The following RASSF3 variants were observed in gnomAD, a reference collection of about 807,000 sequenced individuals.
RASSF3 encodes ras association domain-containing protein 3.
A neutral mutation model predicts 19.9 loss-of-function variants in RASSF3; 19 were observed. The ratio of observed to expected loss-of-function variants is 0.96; its 90% CI spans 0.67 to 1.40. The LOEUF is 1.40. RASSF3 is among the 40% of genes most tolerant of loss of function. The pLI is 0.00. For missense variants in RASSF3, 306 were observed against 289.8 expected (o/e 1.06, Z -0.41); for synonymous variants, 110 against 104.2 (o/e 1.06, Z -0.34).
intron 2 of RASSF3, among the ~76,000 whole-genome samples, chr12:64,583,423 A>G (rs1869736697): frequency 6.6e-6 from 1 of 152,136 alleles, no homozygotes. Flanking sequence ...GGAGTTGGAG[A>G]CCAGCCTGGC....
intron 4 of RASSF3, among the ~76,000 whole-genome samples, chr12:64,692,084 AT>A (rs1468081316): frequency 2.6e-5 from 4 of 152,150 alleles, no homozygotes; most frequent in Non-Finnish European, 5.9e-5. Flanking sequence ...TTAAGAAATT[AT>A]GTTTCCATGT....
At chr12:64,645,224 ATATG>A (rs1871687365) in intron 1 of RASSF3, among the ~76,000 whole-genome samples, 1 of 152,240 alleles carries the variant, frequency 6.6e-6, no homozygotes, top group South Asian at 2.1e-4. Flanking sequence ...TAAGTAATGA[ATATG>A]TATTGTATTC....
At chr12:64,676,957 G>A (rs551862065) in intron 1 of RASSF3, among the ~76,000 whole-genome samples, 3 of 151,796 alleles carry the variant, frequency 2.0e-5, no homozygotes, top group Non-Finnish European at 4.4e-5. Flanking sequence ...TAGTAGAGAC[G>A]AGGTCTCCCT....
chr12:64,576,953 A>G (rs1428856822), intron 2 of RASSF3, among the ~76,000 whole-genome samples: 1 of 152,170 alleles, frequency 6.6e-6, no homozygotes, highest in Non-Finnish European at 1.5e-5. Context: ...TATAATAACA[A>G]CTATGGAAAA....
chr12:64,690,952 C>T (rs1025810798), intron 3 of RASSF3, among the ~76,000 whole-genome samples: 2 of 152,176 alleles, frequency 1.3e-5, no homozygotes, highest in East Asian at 3.9e-4. Flanking sequence ...CCTCCACCTC[C>T]CAGGTTTGAG....
intron 1 of RASSF3, among the ~76,000 whole-genome samples, chr12:64,659,198 C>A (rs991537425): frequency 2.0e-5 from 3 of 152,206 alleles, no homozygotes; most frequent in Non-Finnish European, 4.4e-5. Flanking sequence ...CAGCCTTCAT[C>A]TGTTAAATAA....
At chr12:64,664,444 A>G (rs984126322) in intron 1 of RASSF3, among the ~76,000 whole-genome samples, 1 of 152,166 alleles carries the variant, frequency 6.6e-6, no homozygotes, top group African/African-American at 2.4e-5. Flanking sequence ...TTACACCTGC[A>G]TAGGCCACCC....
intron 1 of RASSF3, among the ~76,000 whole-genome samples, chr12:64,514,188 CTTTTTTTTTTT>C (rs138925359): frequency 1.3e-5 from 1 of 77,988 alleles, no homozygotes; most frequent in Non-Finnish European, 2.3e-5. Context: ...CGCTCAGCCT[CTTTTTTTTTTT>C]TTTTTTTTTT....
At chr12:64,690,485 T>G (rs1226457250) in intron 3 of RASSF3, among the ~76,000 whole-genome samples, 1 of 151,594 alleles carries the variant, frequency 6.6e-6, no homozygotes, top group Non-Finnish European at 1.5e-5. Context: ...ACGCCTGGCC[T>G]TGGTTTTTGA....
chr12:64,588,328 AC>A (rs1184573960), intron 2 of RASSF3, among the ~76,000 whole-genome samples: 1 of 152,204 alleles, frequency 6.6e-6, no homozygotes, highest in African/African-American at 2.4e-5. Flanking sequence ...TGAGGGCTAT[AC>A]AAAAACACTA....
chr12:64,591,774 C>T (rs1446896374), intron 2 of RASSF3, among the ~76,000 whole-genome samples: 1 of 152,074 alleles, frequency 6.6e-6, no homozygotes, highest in Non-Finnish European at 1.5e-5. Context: ...GTTATGTAAA[C>T]ATTCATAGAA....
At chr12:64,539,360 C>T (rs1416015063) in intron 1 of RASSF3, among the ~76,000 whole-genome samples, 1 of 152,122 alleles carries the variant, frequency 6.6e-6, no homozygotes. Flanking sequence ...AAGGCCTTAC[C>T]TTCAAATACT....
intron 2 of RASSF3, among the ~76,000 whole-genome samples, chr12:64,685,374 A>G (rs56093753): frequency 0.065 from 9,855 of 152,218 alleles, 379 homozygotes; most frequent in Non-Finnish European, 0.09. Context: ...CCTCCCGAGT[A>G]GCTGGGACCA....
At chr12:64,542,260 G>A (rs1868946477), downstream of RASSF3, among the ~76,000 whole-genome samples, 1 of 152,186 alleles carries the variant, frequency 6.6e-6, no homozygotes, top group African/African-American at 2.4e-5. Flanking sequence ...CCCCAGAGGT[G>A]GAGGTTGCAT....
chr12:64,692,239 G>C (rs574982916), intron 4 of RASSF3, among the ~76,000 whole-genome samples: 4 of 152,270 alleles, frequency 2.6e-5, no homozygotes, highest in Admixed American at 2.0e-4. Context: ...CCAGTCTTCT[G>C]TCTGGAACAG....
chr12:64,632,721 C>T (rs931777537), intron 1 of RASSF3, among the ~76,000 whole-genome samples: 9 of 152,140 alleles, frequency 5.9e-5, no homozygotes, highest in African/African-American at 1.4e-4. Flanking sequence ...AGGGCCTATA[C>T]GCAACATTTG....
intron 1 of RASSF3, among the ~76,000 whole-genome samples, chr12:64,518,031 T>C (rs915419910): frequency 6.6e-6 from 1 of 152,166 alleles, no homozygotes; most frequent in African/African-American, 2.4e-5. Flanking sequence ...CCTTTTACTC[T>C]CTGTTATTTT....
chr12:64,610,530 C>T lies in RASSF3; in HGVS notation c.-103C>T. 2 of 426,448 alleles carry T rather than the reference C, an allele frequency of 4.7e-6. No homozygotes were observed. The highest frequency in any genetic ancestry group is 7.5e-6 in the Non-Finnish European group (2 of 265,738). 26.4% of individuals were successfully genotyped at this position (426,448 alleles called of 1,614,324 possible). A position where few individuals can be genotyped will look rare whatever the true frequency, so the allele number is the denominator to read the frequency against. On this transcript the variant is annotated 5_prime_UTR_variant, in exon 1 of 5. Transcript: ENST00000542104. ...CGGCCGCAGCTGCATAAGGACTGCCCGGGGCTGCGCGCCGGGAACCTCGCG... is the reference window on the plus strand; with the variant it reads ...CGGCCGCAGCTGCATAAGGACTGCCTGGGGCTGCGCGCCGGGAACCTCGCG...
At chr12:64,648,198 G>A (rs1871808357) in intron 1 of RASSF3, among the ~76,000 whole-genome samples, 1 of 152,226 alleles carries the variant, frequency 6.6e-6, no homozygotes, top group African/African-American at 2.4e-5. Flanking sequence ...TAGTGAGTAG[G>A]TGGCCCCAGA....
Sources: gnomAD v4.1 joint callset for allele counts (sites outside exome capture counted in the v4.1 genomes callset) on GRCh38, gnomAD v4.1.1 for gene constraint, MANE v1.5 for transcripts, NCBI Gene and HGNC (gene_info 2026-07-23, HGNC 2026-07-21) for gene names.